The following APBA2 variants were observed in gnomAD, a reference collection of about 807,000 sequenced individuals.
APBA2 encodes amyloid beta precursor protein binding family A member 2.
In APBA2, 30 loss-of-function variants were observed where a neutral mutation model predicts 75.0. The ratio of observed to expected loss-of-function variants is 0.40; its 90% CI spans 0.30 to 0.54. The LOEUF (loss-of-function observed/expected upper bound fraction) is 0.54, where lower values mean the gene tolerates loss of function less well. Among genes scored for constraint, APBA2 ranks in the 20% least tolerant of loss-of-function variants. The pLI is 0.49. For synonymous variants in APBA2, 444 were observed against 409.6 expected, an observed-to-expected ratio of 1.08 and a Z score of -1.01; for missense variants, 801 against 1,016.1, an observed-to-expected ratio of 0.79 and a Z score of 2.88.
At chr15:29,065,139 C>A (rs540331322) in intron 4 of APBA2, among the ~76,000 whole-genome samples, 3 of 152,010 alleles carry the variant, frequency 2.0e-5, no homozygotes, top group Admixed American at 6.5e-5. Context: ...AGGCTGTCCA[C>A]GTGCGTCTGC....
chr15:28,996,640 A>G (rs898081023), intron 3 of APBA2, among the ~76,000 whole-genome samples: 7 of 152,184 alleles, frequency 4.6e-5, no homozygotes, highest in Non-Finnish European at 1.0e-4. Flanking sequence ...AACGAGGAGC[A>G]GAGGGCATTG....
At chr15:29,095,762 G>T (rs1305294113) in intron 8 of APBA2, among the ~76,000 whole-genome samples, 1 of 152,240 alleles carries the variant, frequency 6.6e-6, no homozygotes, top group East Asian at 1.9e-4. Context: ...CGTCTCCTTT[G>T]ATTCTGCTCA....
chr15:28,985,857 G>C (rs577114800), intron 2 of APBA2, among the ~76,000 whole-genome samples: 147 of 152,094 alleles, frequency 9.7e-4, no homozygotes, highest in Non-Finnish European at 1.8e-3. Context: ...AAGAAGGACA[G>C]ATGTGTTGGT....
At chr15:29,109,358 G>A (rs915794001) in intron 13 of APBA2, among the ~76,000 whole-genome samples, 3 of 152,162 alleles carry the variant, frequency 2.0e-5, no homozygotes, top group Non-Finnish European at 4.4e-5. Context: ...GAGCAAATTT[G>A]CTGCTATAAA....
At position 29,108,318 on chromosome 15, in the gene APBA2, C is replaced by T; in HGVS notation, c.1966C>T (p.Pro656Ser). 1 of 1,614,068 alleles carries T rather than the reference C, an allele frequency of 6.2e-7. No individual in the cohort carries two copies. The highest frequency in any genetic ancestry group is 8.5e-7 in the Non-Finnish European group (1 of 1,180,030). ...GAAGCTCAACATTGTCAGCTGTCCC[C>T]CGGTCACCACGGTCCTTATCAAGCG... ...QVKLNIVSCPPVTTVLIKRPD... is the reference protein window; with the variant it reads ...QVKLNIVSCPSVTTVLIKRPD... Residue 656 changes from proline (P) to serine (S), a missense_variant, in exon 13 of 15, where the codon CCG becomes TCG. Physicochemically the swap from Pro to Ser is moderately conservative, Grantham distance 74. Transcript: ENST00000683413.
At chr15:28,978,684 C>T (rs1357235099) in intron 2 of APBA2, among the ~76,000 whole-genome samples, 1 of 152,210 alleles carries the variant, frequency 6.6e-6, no homozygotes, top group Non-Finnish European at 1.5e-5. Flanking sequence ...GTTGTCTTGG[C>T]ATGAAGTTCC....
chr15:29,054,021 T>C lies in APBA2; in HGVS notation c.137T>C (p.Leu46Pro). Reference protein sequence around the residue: ...LPLEGYVPEGLELAALRPESP... With the variant: ...LPLEGYVPEGPELAALRPESP... The stretch of plus-strand genomic sequence containing the variant: ...TTGGAGGGCTATGTGCCCGAGGGCC[T>C]GGAGCTGGCTGCCCTGCGGCCAGAG... Residue 46 changes from leucine (L) to proline (P), a missense_variant, in exon 4 of 15, where the codon CTG becomes CCG. Around this residue, in one of 2 missense-constraint regions of APBA2, gnomAD observed 434 missense variants for 471.6 expected, o/e 0.92. Coordinates refer to ENST00000683413, the MANE Select transcript of APBA2 (RefSeq NM_001353788.2). The surrounding 1 kb of genome is among the most constrained non-coding windows in gnomAD (Gnocchi z 6.1). 6.2e-7 allele frequency: 1 copy of C among 1,613,848 alleles called. No homozygotes were observed. The highest frequency in any genetic ancestry group is 8.5e-7 in the Non-Finnish European group (1 of 1,180,018).
chr15:28,939,516 C>G (rs933966964), intron 2 of APBA2, among the ~76,000 whole-genome samples: 2 of 152,226 alleles, frequency 1.3e-5, no homozygotes, highest in Non-Finnish European at 2.9e-5. Flanking sequence ...TCCTCACCAG[C>G]ACTTGTGTTT....
chr15:29,024,441 G>A (rs1241996247), intron 3 of APBA2, among the ~76,000 whole-genome samples: 3 of 152,182 alleles, frequency 2.0e-5, no homozygotes, highest in Non-Finnish European at 4.4e-5. Flanking sequence ...TGCGGAGACA[G>A]CACTGTGGGC....
At chr15:28,909,373 T>G (rs1269765857) in intron 1 of APBA2, among the ~76,000 whole-genome samples, 4 of 152,212 alleles carry the variant, frequency 2.6e-5, no homozygotes, top group Non-Finnish European at 5.9e-5. Context: ...TTTATCTTTT[T>G]CCAACTGGCT....
chr15:29,026,831 G>C (rs144517991), intron 3 of APBA2, among the ~76,000 whole-genome samples: 106 of 152,292 alleles, frequency 7.0e-4, no homozygotes, highest in African/African-American at 2.5e-3. Context: ...TGAGGCAGGA[G>C]AATGGTGTGA....
intron 3 of APBA2, among the ~76,000 whole-genome samples, chr15:29,028,962 G>A (rs1438037088): frequency 1.3e-5 from 2 of 152,116 alleles, no homozygotes; most frequent in African/African-American, 2.4e-5. Flanking sequence ...TGGGTTGCCT[G>A]TTTGCTGTGA....
chr15:28,894,929 T>C (rs980484479), intron 1 of APBA2, among the ~76,000 whole-genome samples: 2 of 152,060 alleles, frequency 1.3e-5, no homozygotes, highest in African/African-American at 4.8e-5. Context: ...GGCAGGTGTC[T>C]GGCCAAGGCA....
At chr15:29,069,737 G>A (rs949310850) in intron 4 of APBA2, among the ~76,000 whole-genome samples, 8 of 152,236 alleles carry the variant, frequency 5.3e-5, no homozygotes, top group African/African-American at 1.9e-4. Flanking sequence ...CCTGTCCTTA[G>A]CAAGAGCTAC....
intron 3 of APBA2, among the ~76,000 whole-genome samples, chr15:29,052,910 C>T (rs1021747821): frequency 1.3e-5 from 2 of 152,166 alleles, no homozygotes; most frequent in African/African-American, 4.8e-5. Flanking sequence ...TAAAGAACTT[C>T]CTCCCAAGAT....
chr15:28,927,251 G>T (rs971034061), intron 2 of APBA2, among the ~76,000 whole-genome samples: 1 of 151,874 alleles, frequency 6.6e-6, no homozygotes, highest in South Asian at 2.1e-4. Flanking sequence ...TCCCTACCCC[G>T]CTGGTCATTT....
intron 2 of APBA2, among the ~76,000 whole-genome samples, chr15:28,982,197 C>A (rs368432285): frequency 6.6e-6 from 1 of 152,186 alleles, no homozygotes. Context: ...GGGCCTTCCC[C>A]GCCCCCCACA....
At chr15:28,886,891 G>T (rs1353636979) in intron 1 of APBA2, among the ~76,000 whole-genome samples, 1 of 152,240 alleles carries the variant, frequency 6.6e-6, no homozygotes, top group African/African-American at 2.4e-5. Context: ...CTTCCCCATG[G>T]CAGGCACTGC....
At chr15:29,112,174 G>T (rs900775928) in intron 13 of APBA2, among the ~76,000 whole-genome samples, 1 of 152,204 alleles carries the variant, frequency 6.6e-6, no homozygotes, top group African/African-American at 2.4e-5. Context: ...CTTGTATCCC[G>T]GGAGCTGGTG....
Sources: allele counts gnomAD v4.1 joint callset (sites outside exome capture counted in the v4.1 genomes callset), GRCh38; gene constraint gnomAD v4.1.1; regional missense constraint gnomAD v4.1.1; non-coding constraint Gnocchi (gnomAD v3.1); transcripts MANE v1.5; gene names NCBI Gene and HGNC (gene_info 2026-07-23, HGNC 2026-07-21).